Variants in LRTM2 observed in about 807,000 individuals in gnomAD.
LRTM2 encodes the protein leucine rich repeat transmembrane protein 2.
LRTM2 carries 18 observed loss-of-function variants against 28.1 expected under a neutral mutation model. The ratio of observed to expected loss-of-function variants is 0.64; its 90% CI spans 0.44 to 0.95. The LOEUF is 0.95. Among genes scored for constraint, LRTM2 ranks in the 40% least tolerant of loss-of-function variants. LRTM2 has a pLI of 0.00. For synonymous variants in LRTM2, 250 were observed against 218.7 expected (o/e 1.14, Z -1.26); for missense variants, 436 against 497.2 (o/e 0.88, Z 1.17).
intron 3 of LRTM2, among the ~76,000 whole-genome samples, chr12:1,830,673 C>A (rs1864581252): frequency 6.6e-6 from 1 of 152,214 alleles, no homozygotes; most frequent in African/African-American, 2.4e-5. Flanking sequence ...CAGGGTCATT[C>A]TCCACTCAAG....
chr12:1,831,335 C>G lies in LRTM2; in HGVS notation c.468C>G (p.Pro156=). The G allele has an allele frequency of 2.5e-6, 4 of 1,613,884 alleles. No individual in the cohort carries two copies. Among genetic ancestry groups the G allele is most frequent in the Non-Finnish European group, 3.4e-6 (4 of 1,180,040 alleles). Residue 156 remains proline, a synonymous_variant, in exon 4 of 5, where the codon CCC becomes CCG. Coordinates refer to ENST00000299194, the MANE Select transcript of LRTM2 (RefSeq NM_001039029.3). ...DLSINGLAQL[P]PGLFDGLLAL... Reference sequence around the variant, plus strand: ...CCATCAACGGCCTGGCCCAGTTGCCCCCTGGTCTTTTCGACGGGCTCCTGG... The same window carrying G: ...CCATCAACGGCCTGGCCCAGTTGCCGCCTGGTCTTTTCGACGGGCTCCTGG...
intron 4 of LRTM2, among the ~76,000 whole-genome samples, chr12:1,832,731 A>G (rs1864687093): frequency 6.6e-6 from 1 of 152,240 alleles, no homozygotes; most frequent in South Asian, 2.1e-4. Flanking sequence ...CTACTTATAT[A>G]GTTTCCAGTT....
In LRTM2 at chr12:1,828,089, C is replaced by A; in HGVS notation, c.-60C>A. ...TCCCTCCCTCAGGACTGACAGGCGGCGCACCCAGGGGCTCCTCTCTCCCCA... is the reference window on the plus strand; with the variant it reads ...TCCCTCCCTCAGGACTGACAGGCGGAGCACCCAGGGGCTCCTCTCTCCCCA... On this transcript the variant is annotated 5_prime_UTR_variant, in exon 3 of 5. Transcript: ENST00000299194. The surrounding 1 kb of genome is among the most constrained non-coding windows in gnomAD (Gnocchi z 4.2). 7.0e-7 allele frequency: 1 copy of A among 1,436,126 alleles called. No homozygotes were observed. Among genetic ancestry groups the A allele is most frequent in the Non-Finnish European group, 9.2e-7 (1 of 1,083,436 alleles). 89.0% of individuals were successfully genotyped at this position (1,436,126 alleles called of 1,614,324 possible). A position where few individuals can be genotyped will look rare whatever the true frequency, so the allele number is the denominator to read the frequency against.
chr12:1,827,016 G>A (rs1864360042), intron 1 of LRTM2, among the ~76,000 whole-genome samples: 1 of 152,242 alleles, frequency 6.6e-6, no homozygotes, highest in Non-Finnish European at 1.5e-5. Context: ...ATTACCCAGG[G>A]ACAAATCTGG....
chr12:1,834,847 A>G lies in LRTM2; in HGVS notation c.*126A>G, dbSNP rs1299550857. Reference sequence around the variant, plus strand: ...GAGTCCACCCTCCTCCCCGCCCTCCAGCAGACAAGCCACACCGGGTTCTCT... The same window carrying G: ...GAGTCCACCCTCCTCCCCGCCCTCCGGCAGACAAGCCACACCGGGTTCTCT... On this transcript the variant is annotated 3_prime_UTR_variant, in exon 5 of 5. Transcript: ENST00000299194. The surrounding 1 kb of genome is among the most constrained non-coding windows in gnomAD (Gnocchi z 7.6). 1.4e-6 allele frequency: 2 copies of G among 1,428,620 alleles called. No homozygotes were observed. Among genetic ancestry groups the G allele is most frequent in the East Asian group, 5.0e-5 (2 of 39,774 alleles). 88.5% of individuals were successfully genotyped at this position (1,428,620 alleles called of 1,614,324 possible). A position where few individuals can be genotyped will look rare whatever the true frequency, so the allele number is the denominator to read the frequency against.
In LRTM2 at chr12:1,828,205, G is replaced by A. The variant is rs1864440798; in HGVS notation, c.57G>A (p.Arg19=). ...GGGGCAGGCTCGCCCTGCAGTGGAG[G>A]CAAGTCTCCTGTGAGTACACCCCTG... ...GQRGRLALQW[R]QVSWITCWIA... The change falls in exon 3 of 5, where the codon AGG becomes AGA. Residue 19 remains arginine (R), a synonymous_variant. Transcript: ENST00000299194. The surrounding 1 kb of genome is among the most constrained non-coding windows in gnomAD (Gnocchi z 4.2). 1.3e-6 allele frequency: 2 copies of A among 1,546,632 alleles called. No homozygotes were observed. The highest frequency in any genetic ancestry group is 1.7e-6 in the Non-Finnish European group (2 of 1,145,210).
At position 1,834,289 on chromosome 12, in the gene LRTM2, C is replaced by T; in HGVS notation, c.681C>T (p.Ala227=). ...SYRGGRLDQL[A]CTLPKELRGK... ...TAGGGGGACGCTTGGACCAGCTTGC[C>T]TGCACCCTGCCCAAGGAGCTGAGGG... The change falls in exon 5 of 5, where the codon GCC becomes GCT. Residue 227 remains alanine (A), a synonymous_variant. Transcript: ENST00000299194. This position sits in a 1 kb window ranked among gnomAD's most constrained non-coding sequence, Gnocchi z 7.6. The T allele has an allele frequency of 6.3e-7, 1 of 1,596,038 alleles. No individual in the cohort carries two copies. The highest frequency in any genetic ancestry group is 1.3e-5 in the African/African-American group (1 of 74,742).
chr12:1,827,896 C>T (rs1010169869), intron 2 of LRTM2, 180 bp from the exon 3 acceptor site: 3 of 401,868 alleles, frequency 7.5e-6, no homozygotes, highest in Non-Finnish European at 1.3e-5. Flanking sequence ...CTGCCCCGCC[C>T]CCATCCCAGG....
At position 1,828,258 on chromosome 12, in the gene LRTM2, G is replaced by T; in HGVS notation, c.67+43G>T. 6.7e-7 allele frequency: 1 copy of T among 1,494,112 alleles called. No homozygotes were observed. The highest frequency in any genetic ancestry group is 9.0e-7 in the Non-Finnish European group (1 of 1,110,120). 92.6% of individuals were successfully genotyped at this position (1,494,112 alleles called of 1,614,324 possible). On this transcript the variant is annotated intron_variant, in intron 3 of 4. Coordinates refer to ENST00000299194, the MANE Select transcript of LRTM2 (RefSeq NM_001039029.3). This position sits in a 1 kb window ranked among gnomAD's most constrained non-coding sequence, Gnocchi z 4.2. Reference sequence around the variant, plus strand: ...CTCGGAGGGGGGTGCGGGTTGGGTGGGGGTGCCGAGGTGACTGTAGGTAGC... The same window carrying T: ...CTCGGAGGGGGGTGCGGGTTGGGTGTGGGTGCCGAGGTGACTGTAGGTAGC...
Position 1,831,131 on chromosome 12 carries a change from C to T in LRTM2, c.264C>T (p.Phe88=), listed in dbSNP as rs368418051. 2.5e-5 allele frequency: 41 copies of T among 1,613,876 alleles called. No individual in the cohort carries two copies. Among genetic ancestry groups the T allele is most frequent in the South Asian group, 5.5e-5 (5 of 91,092 alleles). ...NKLSALPSWA[F]ANLSSLQRLD... ...TGAGTGCCCTGCCAAGCTGGGCTTT[C>T]GCCAACCTCTCCAGCCTGCAGCGGT... The change falls in exon 4 of 5, where the codon TTC becomes TTT. Residue 88 remains phenylalanine, a synonymous_variant. Coordinates refer to ENST00000299194, the MANE Select transcript of LRTM2 (RefSeq NM_001039029.3).
rs1864605682 is a variant in LRTM2, at chr12:1,831,106, TGA to T, written c.241_242del (p.Ser81CysfsTer39). On this transcript the variant is annotated frameshift_variant, in exon 4 of 5. Coordinates refer to ENST00000299194, the MANE Select transcript of LRTM2 (RefSeq NM_001039029.3). LOFTEE classifies it high-confidence loss of function. Reference sequence around the variant, plus strand: ...ACCCTCTTGCTCTTGAACAATAAGCTGAGTGCCCTGCCAAGCTGGGCTTTCGC... The same window carrying T: ...ACCCTCTTGCTCTTGAACAATAAGCTGTGCCCTGCCAAGCTGGGCTTTCGC... 6.2e-7 allele frequency: 1 copy of T among 1,613,886 alleles called. No homozygotes were observed. The highest frequency in any genetic ancestry group is 1.7e-5 in the Admixed American group (1 of 60,014).
At chr12:1,825,843 C>T (rs992040645) in intron 1 of LRTM2, among the ~76,000 whole-genome samples, 25 of 152,188 alleles carry the variant, frequency 1.6e-4, no homozygotes, top group Middle Eastern at 3.4e-3. Context: ...AATCCAGTCC[C>T]GGACTTACCA....
intron 1 of LRTM2, among the ~76,000 whole-genome samples, chr12:1,824,611 G>A (rs1039471905): frequency 1.6e-4 from 25 of 152,158 alleles, no homozygotes; most frequent in African/African-American, 5.3e-4. Flanking sequence ...AGGAGATCTC[G>A]CTGTCCCCCA....
intron 2 of LRTM2, 182 bp from the exon 3 acceptor site, chr12:1,827,894 C>T (rs956183004): frequency 6.0e-5 from 24 of 400,014 alleles, no homozygotes; most frequent in African/African-American, 3.7e-4. Context: ...GCCTGCCCCG[C>T]CCCCATCCCA....
chr12:1,826,409 C>A (rs930977452), intron 1 of LRTM2, among the ~76,000 whole-genome samples: 1 of 60,718 alleles, frequency 1.6e-5, no homozygotes, highest in South Asian at 6.9e-4. Context: ...AGCCCCCCCC[C>A]CCCCCCCGCC....
At position 1,828,261 on chromosome 12, in the gene LRTM2, G is replaced by A. The variant is rs141221589; in HGVS notation, c.67+46G>A. On this transcript the variant is annotated intron_variant, in intron 3 of 4. Transcript: ENST00000299194. The surrounding 1 kb of genome is among the most constrained non-coding windows in gnomAD (Gnocchi z 4.2). ...GGAGGGGGGTGCGGGTTGGGTGGGG[G>A]TGCCGAGGTGACTGTAGGTAGCGCC... 4 of 1,487,014 alleles carry A rather than the reference G, an allele frequency of 2.7e-6. No individual in the cohort carries two copies. The highest frequency in any genetic ancestry group is 2.8e-5 in the African/African-American group (2 of 71,102). 92.1% of individuals were successfully genotyped at this position (1,487,014 alleles called of 1,614,324 possible). A position where few individuals can be genotyped will look rare whatever the true frequency, so the allele number is the denominator to read the frequency against.
rs1338373331 is a variant in LRTM2 at position 1,830,917 on chromosome 12, T to A, written c.68-18T>A. The A allele has an allele frequency of 6.3e-7, 1 of 1,578,494 alleles. No individual in the cohort carries two copies. The highest frequency in any genetic ancestry group is 8.6e-7 in the Non-Finnish European group (1 of 1,156,664). On this transcript the variant is annotated intron_variant, in intron 3 of 4. Coordinates refer to ENST00000299194, the MANE Select transcript of LRTM2 (RefSeq NM_001039029.3). ...CCGTCCTATTGCTTTCTTTCCCCCG[T>A]CTGTCCCTCCCACCAAGGGATCACC...
intron 1 of LRTM2, chr12:1,823,414 G>T (rs567438378): frequency 1.3e-5 from 2 of 151,736 alleles, no homozygotes; most frequent in East Asian, 3.9e-4. Context: ...GTGAGTGAGT[G>T]CGTGCGGCTG....
In LRTM2 at chr12:1,831,270, C is replaced by T; in HGVS notation, c.403C>T (p.Leu135=). The change falls in exon 4 of 5, where the codon CTG becomes TTG. Residue 135 remains leucine (L), a synonymous_variant. Coordinates refer to ENST00000299194, the MANE Select transcript of LRTM2 (RefSeq NM_001039029.3). ...CAGCATCAGGACCCTGGACAGGGAC[C>T]TGCTGCGGCACTCGCCGCTGCTCCG... ...NNSIRTLDRD[L]LRHSPLLRHL... 3.1e-6 allele frequency: 5 copies of T among 1,613,790 alleles called. No individual in the cohort carries two copies. The highest frequency in any genetic ancestry group is 4.2e-6 in the Non-Finnish European group (5 of 1,180,026).
Sources: allele counts gnomAD v4.1 joint callset (sites outside exome capture counted in the v4.1 genomes callset), GRCh38; gene constraint gnomAD v4.1.1; non-coding constraint Gnocchi (gnomAD v3.1); transcripts MANE v1.5; gene names NCBI Gene and HGNC (gene_info 2026-07-23, HGNC 2026-07-21).